THADA: variants seen among roughly 807,000 people sequenced by gnomAD.
The protein encoded by THADA is THADA armadillo repeat containing.
In THADA, 213 loss-of-function variants were observed where a neutral mutation model predicts 219.8. That is an observed-to-expected ratio of 0.97 (90% CI 0.87 to 1.09). The LOEUF (loss-of-function observed/expected upper bound fraction) is 1.09. THADA is among the 50% of genes least tolerant of loss of function. The pLI, the probability that THADA is intolerant of heterozygous loss-of-function variation, is 0.00. For synonymous variants in THADA, 1,018 were observed against 828.9 expected (o/e 1.23, Z -3.92); for missense variants, 2,956 against 2,311.3 (o/e 1.28, Z -5.72).
chr2:43,238,231 T>C (rs1668267709), intron 36 of THADA, among the ~76,000 whole-genome samples: 2 of 150,528 alleles, frequency 1.3e-5, no homozygotes, highest in Non-Finnish European at 1.5e-5. Context: ...GGAAAACTTT[T>C]GTGCTTCAAA....
At chr2:43,511,547 G>A (rs539725234) in intron 22 of THADA, among the ~76,000 whole-genome samples, 5 of 152,046 alleles carry the variant, frequency 3.3e-5, no homozygotes, top group Non-Finnish European at 7.4e-5. Flanking sequence ...CTATGACCTG[G>A]ACCCAACCCT....
chr2:43,376,941 G>A (rs77764119), intron 29 of THADA, among the ~76,000 whole-genome samples: 2 of 152,054 alleles, frequency 1.3e-5, no homozygotes, highest in South Asian at 2.1e-4. Context: ...AGTAAGGCAC[G>A]GTCCTCAGCC....
intron 36 of THADA, among the ~76,000 whole-genome samples, chr2:43,239,824 T>C (rs1572726497): frequency 6.6e-6 from 1 of 152,216 alleles, no homozygotes; most frequent in East Asian, 1.9e-4. Context: ...AGGTGTTGGG[T>C]GGCCCTGCCA....
At chr2:43,279,194 ACGG>A (rs1226055995) in intron 36 of THADA, among the ~76,000 whole-genome samples, 1 of 152,096 alleles carries the variant, frequency 6.6e-6, no homozygotes, top group Non-Finnish European at 1.5e-5. Context: ...CGCTTATACG[ACGG>A]CTGCGACCTC....
chr2:43,346,399 C>G (rs1667631291), intron 29 of THADA, among the ~76,000 whole-genome samples: 1 of 152,158 alleles, frequency 6.6e-6, no homozygotes, highest in Admixed American at 6.5e-5. Context: ...CAAGGTCAGA[C>G]TCAGGAGCTC....
At chr2:43,525,381 C>T (rs1693040455) in intron 22 of THADA, among the ~76,000 whole-genome samples, 1 of 152,154 alleles carries the variant, frequency 6.6e-6, no homozygotes, top group Admixed American at 6.5e-5. Context: ...CCAGGCTGGT[C>T]CTAAGATGCA....
At chr2:43,390,356 A>G (rs868395762) in intron 29 of THADA, among the ~76,000 whole-genome samples, 2 of 152,202 alleles carry the variant, frequency 1.3e-5, no homozygotes, top group Admixed American at 6.5e-5. Context: ...TCCTATGGGT[A>G]AAGATAGTCT....
At chr2:43,430,627 G>GA (rs1558748671) in intron 26 of THADA, 1 of 462,890 alleles carries the variant, frequency 2.2e-6, no homozygotes, top group Non-Finnish European at 4.3e-6. Context: ...ACTATAAGTA[G>GA]AGTCAACACC....
At chr2:43,524,701 T>C (rs952168936) in intron 22 of THADA, among the ~76,000 whole-genome samples, 1 of 152,214 alleles carries the variant, frequency 6.6e-6, no homozygotes, top group African/African-American at 2.4e-5. Flanking sequence ...GAAATGTCTC[T>C]AAAGGGATCA....
intron 26 of THADA, 56 bp from the exon 27 acceptor site, chr2:43,430,358 A>G: frequency 9.9e-7 from 1 of 1,007,730 alleles, no homozygotes; most frequent in South Asian, 1.6e-5. Context: ...ATCTGACAAT[A>G]AAGCCTTTTT....
At position 43,471,925 on chromosome 2, in the gene THADA, A is replaced by T. The variant is rs984758461; in HGVS notation, c.3836+13309T>A. On this transcript the variant is annotated intron_variant, in intron 26 of 37. Transcript: ENST00000405975. Reference sequence around the variant, plus strand: ...CTGGCATACAGTTGATCCTTAATACATAATGAAGATATTAGATCATGCACA... The same window carrying T: ...CTGGCATACAGTTGATCCTTAATACTTAATGAAGATATTAGATCATGCACA... Among the ~76,000 whole-genome samples the T allele has an allele frequency of 2.0e-5, 3 of 152,352 alleles. No individual in the cohort carries two copies. The South Asian group carries it at 6.2e-4, about 32-fold the overall frequency.
intron 31 of THADA, among the ~76,000 whole-genome samples, chr2:43,297,074 C>T (rs1343018409): frequency 1.9e-5 from 2 of 105,218 alleles, no homozygotes; most frequent in Non-Finnish European, 3.8e-5. Flanking sequence ...GCCCGGCCGC[C>T]ATCCCATCTA....
At chr2:43,409,282 C>G (rs1028767911) in intron 28 of THADA, among the ~76,000 whole-genome samples, 46 of 152,030 alleles carry the variant, frequency 3.0e-4, no homozygotes, top group African/African-American at 1.1e-3. Context: ...ACACTTCAAG[C>G]TAAAACCAGA....
intron 36 of THADA, among the ~76,000 whole-genome samples, chr2:43,254,297 A>G (rs1407369534): frequency 6.6e-6 from 1 of 152,066 alleles, no homozygotes; most frequent in African/African-American, 2.4e-5. Flanking sequence ...CGAAAACAGA[A>G]CCAACCTAGG....
At chr2:43,324,848 G>C (rs928315855) in intron 30 of THADA, among the ~76,000 whole-genome samples, 1 of 152,130 alleles carries the variant, frequency 6.6e-6, no homozygotes, top group Middle Eastern at 3.4e-3. Flanking sequence ...GAAAAATCCT[G>C]GCATGGAGCA....
At chr2:43,418,914 A>T (rs994677267) in intron 28 of THADA, among the ~76,000 whole-genome samples, 1 of 152,200 alleles carries the variant, frequency 6.6e-6, no homozygotes, top group Non-Finnish European at 1.5e-5. Context: ...GGCTTTTTTA[A>T]TAAGGAGGTC....
chr2:43,506,351 T>G (rs548892591), intron 23 of THADA, among the ~76,000 whole-genome samples: 1 of 152,160 alleles, frequency 6.6e-6, no homozygotes, highest in African/African-American at 2.4e-5. Flanking sequence ...TTTGCCGATG[T>G]CCAATAAACA....
At chr2:43,240,974 G>A (rs902147604) in intron 36 of THADA, among the ~76,000 whole-genome samples, 2 of 152,114 alleles carry the variant, frequency 1.3e-5, no homozygotes, top group South Asian at 2.1e-4. Flanking sequence ...CTCTGCCCTC[G>A]TCCCTGTCTG....
rs112476224 is a variant in THADA at position 43,353,722 on chromosome 2, C to T, written c.4228-9485G>A. Among the ~76,000 whole-genome samples, 94 of 152,244 alleles carry T rather than the reference C, an allele frequency of 6.2e-4. 1 individual carries two copies. The South Asian group carries it at 6.6e-3, about 11-fold the overall frequency. ...CCATGCTGGAGTGTGGTGGCACAAT[C>T]TTGGCTCACTGCAACCTCTGCCTCC... On this transcript the variant is annotated intron_variant, in intron 29 of 37. Coordinates refer to ENST00000405975, the MANE Select transcript of THADA (RefSeq NM_022065.5).
Sources: allele counts gnomAD v4.1 joint callset (sites outside exome capture counted in the v4.1 genomes callset), GRCh38; gene constraint gnomAD v4.1.1; transcripts MANE v1.5; gene names NCBI Gene and HGNC (gene_info 2026-07-23, HGNC 2026-07-21).